Variants in PGBD5 observed in about 807,000 individuals in gnomAD.
PGBD5 encodes the protein piggyBac transposable element-derived protein 5.
A neutral mutation model predicts 47.9 loss-of-function variants in PGBD5; 14 were observed. That is an observed-to-expected ratio of 0.29 (90% CI 0.19 to 0.46). The LOEUF (loss-of-function observed/expected upper bound fraction) is 0.46, where lower values mean the gene tolerates loss of function less well. Among genes scored for constraint, PGBD5 ranks in the 20% least tolerant of loss-of-function variants. The pLI is 1.00. For missense variants in PGBD5, 635 were observed against 716.0 expected (o/e 0.89, Z 1.29); for synonymous variants, 316 against 306.3 (o/e 1.03, Z -0.33).
intron 1 of PGBD5, among the ~76,000 whole-genome samples, chr1:230,385,093 C>T (rs1455835741): frequency 2.0e-5 from 3 of 152,084 alleles, no homozygotes; most frequent in Non-Finnish European, 4.4e-5. Context: ...TTTTTTTCCC[C>T]CTCATATGAT....
intron 1 of PGBD5, among the ~76,000 whole-genome samples, chr1:230,418,552 G>A (rs1242810858): frequency 1.3e-5 from 2 of 152,204 alleles, no homozygotes; most frequent in Non-Finnish European, 2.9e-5. Flanking sequence ...TTGTACCACA[G>A]TCTGGAGTGC....
intron 1 of PGBD5, among the ~76,000 whole-genome samples, chr1:230,398,157 T>TAGCC (rs1657046376): frequency 6.6e-6 from 1 of 152,238 alleles, no homozygotes; most frequent in Admixed American, 6.5e-5. Flanking sequence ...CCTGCCTTGC[T>TAGCC]TTCCTGTCTA....
At chr1:230,366,338 TG>T (rs897462349) in intron 1 of PGBD5, among the ~76,000 whole-genome samples, 4 of 144,044 alleles carry the variant, frequency 2.8e-5, no homozygotes, top group African/African-American at 7.5e-5. Context: ...CAGATGGGGC[TG>T]GGGGGTGGTG....
intron 1 of PGBD5, among the ~76,000 whole-genome samples, chr1:230,366,913 C>T (rs1041436272): frequency 6.6e-6 from 1 of 152,160 alleles, no homozygotes; most frequent in Non-Finnish European, 1.5e-5. Flanking sequence ...GGCACTGTGT[C>T]TACTTCTCAC....
At chr1:230,325,158 A>G in intron 6 of PGBD5, 152 bp downstream of exon 6, 1 of 637,590 alleles carries the variant, frequency 1.6e-6, no homozygotes, top group Non-Finnish European at 2.7e-6. Context: ...GGCGAGGCCC[A>G]GAAGCCCAGG....
chr1:230,365,705 A>G (rs953431841), intron 1 of PGBD5, among the ~76,000 whole-genome samples: 1 of 152,210 alleles, frequency 6.6e-6, no homozygotes, highest in Non-Finnish European at 1.5e-5. Context: ...CAAGGTGAGC[A>G]CTACACTGCC....
In PGBD5 at chr1:230,425,544, C is replaced by A. The variant is rs976591468; in HGVS notation, c.331+54G>T. The A allele has an allele frequency of 5.9e-6, 7 of 1,190,930 alleles. No individual in the cohort carries two copies. Among genetic ancestry groups the A allele is most frequent in the Middle Eastern group, 6.5e-4 (2 of 3,066 alleles). The allele number at this position is 1,190,930 out of a possible 1,614,324, so 73.8% of individuals were successfully genotyped here. On this transcript the variant is annotated intron_variant, in intron 1 of 6. Coordinates refer to ENST00000391860, the MANE Select transcript of PGBD5 (RefSeq NM_001258311.2). The surrounding 1 kb of genome is among the most constrained non-coding windows in gnomAD (Gnocchi z 4.7). The stretch of plus-strand genomic sequence containing the variant: ...CGCCCGCCCCAGCACCCACGCCTCC[C>A]CCGCGCCCGGTTCCAGCGCCGCCCC...
At chr1:230,329,126 G>GC (rs1192136205) in intron 5 of PGBD5, among the ~76,000 whole-genome samples, 14 of 151,402 alleles carry the variant, frequency 9.2e-5, no homozygotes, top group Non-Finnish European at 1.8e-4. Context: ...TTTTTTTGGG[G>GC]GGGGAGGTGG....
intron 5 of PGBD5, among the ~76,000 whole-genome samples, chr1:230,326,086 C>G (rs892979647): frequency 6.6e-6 from 1 of 152,216 alleles, no homozygotes; most frequent in East Asian, 1.9e-4. Flanking sequence ...TCACTATGTG[C>G]CCCGTGAAAA....
intron 1 of PGBD5, among the ~76,000 whole-genome samples, chr1:230,372,847 C>A (rs1276078680): frequency 6.6e-6 from 1 of 152,090 alleles, no homozygotes; most frequent in African/African-American, 2.4e-5. Flanking sequence ...TGTTTCAGGG[C>A]CCTGCAGGTG....
chr1:230,385,367 C>T (rs979935077), intron 1 of PGBD5, among the ~76,000 whole-genome samples: 1 of 152,142 alleles, frequency 6.6e-6, no homozygotes, highest in Non-Finnish European at 1.5e-5. Context: ...AGACCCACAG[C>T]TTTTACGTGA....
At chr1:230,359,035 T>C (rs1268451217) in intron 1 of PGBD5, among the ~76,000 whole-genome samples, 1 of 152,164 alleles carries the variant, frequency 6.6e-6, no homozygotes, top group African/African-American at 2.4e-5. Context: ...AGAGACAAAA[T>C]TTGCTTCTAT....
intron 1 of PGBD5, among the ~76,000 whole-genome samples, chr1:230,377,248 G>A (rs1049136306): frequency 2.0e-5 from 3 of 152,226 alleles, no homozygotes; most frequent in Non-Finnish European, 2.9e-5. Flanking sequence ...GAGAGGGACA[G>A]ATGTCCTGCA....
rs1283879348 is a variant in PGBD5 at position 230,320,871 on chromosome 1, G to GGTCT, written c.*2553_*2554insAGAC. ...GAAGAGAAACTCTTCTCAGTCAACAGCATTCCTCCAGAGACCTGAAGTGGC... is the reference window on the plus strand; with the variant it reads ...GAAGAGAAACTCTTCTCAGTCAACAGGTCTCATTCCTCCAGAGACCTGAAGTGGC... On this transcript the variant is annotated 3_prime_UTR_variant, in exon 7 of 7. Transcript: ENST00000391860. The GGTCT allele has an allele frequency of 6.6e-6, 1 of 152,212 alleles. No individual in the cohort carries two copies. The highest frequency in any genetic ancestry group is 6.5e-5 in the Admixed American group (1 of 15,276). The allele number at this position is 152,212 out of a possible 1,614,324, so 9.4% of individuals were successfully genotyped here. A position where few individuals can be genotyped will look rare whatever the true frequency, so the allele number is the denominator to read the frequency against.
intron 1 of PGBD5, among the ~76,000 whole-genome samples, chr1:230,369,009 G>T (rs976257344): frequency 2.0e-5 from 3 of 152,234 alleles, no homozygotes; most frequent in Non-Finnish European, 1.5e-5. Context: ...GGAGCCCAAA[G>T]AAGCAAATGA....
At chr1:230,397,816 C>T (rs1315800802) in intron 1 of PGBD5, among the ~76,000 whole-genome samples, 1 of 152,194 alleles carries the variant, frequency 6.6e-6, no homozygotes, top group East Asian at 1.9e-4. Flanking sequence ...TGTGTCTTGC[C>T]TTCTCTAAAG....
intron 1 of PGBD5, among the ~76,000 whole-genome samples, chr1:230,366,060 T>C (rs1165255327): frequency 1.3e-5 from 2 of 152,312 alleles, no homozygotes; most frequent in South Asian, 2.1e-4. Context: ...GAAAGCCCCA[T>C]TGTGATTTGA....
rs529862641 is a variant in PGBD5, at chr1:230,327,351, C to A, written c.1274-1936G>T. On this transcript the variant is annotated intron_variant, in intron 5 of 6. Transcript: ENST00000391860. ...TCTGGGGCCAGCCCCCTCCCACCCC[C>A]ACAACTCTCACTGAGGGACCGTGGC... Among the ~76,000 whole-genome samples the A allele has an allele frequency of 3.3e-5, 5 of 152,332 alleles. No individual in the cohort carries two copies. The South Asian group carries it at 1.0e-3, about 32-fold the overall frequency.
intron 1 of PGBD5, chr1:230,362,403 T>C (rs758151830): frequency 3.0e-6 from 4 of 1,352,840 alleles, no homozygotes; most frequent in Non-Finnish European, 3.9e-6. Flanking sequence ...TTGTGGAGGC[T>C]TGCCGGGGAA....
Sources: allele counts gnomAD v4.1 joint callset (sites outside exome capture counted in the v4.1 genomes callset), GRCh38; gene constraint gnomAD v4.1.1; non-coding constraint Gnocchi (gnomAD v3.1); transcripts MANE v1.5; gene names NCBI Gene and HGNC (gene_info 2026-07-23, HGNC 2026-07-21).